Variants in KCTD8 observed in about 807,000 individuals in gnomAD.
KCTD8 encodes the protein potassium channel tetramerization domain containing 8.
Under a neutral mutation model 31.5 loss-of-function variants are expected in KCTD8, and 27 were observed. The ratio of observed to expected loss-of-function variants is 0.86; its 90% CI spans 0.63 to 1.18. The LOEUF is 1.18. Among genes scored for constraint, KCTD8 ranks in the 50% most tolerant of loss-of-function variants. The pLI, the probability that KCTD8 is intolerant of heterozygous loss-of-function variation, is 0.00. For synonymous variants in KCTD8, 290 were observed against 280.0 expected (o/e 1.04, Z -0.36); for missense variants, 658 against 647.7 (o/e 1.02, Z -0.17).
Position 44,174,533 on chromosome 4 carries a change from T to C in KCTD8, c.*257A>G, listed in dbSNP as rs1713139700. The C allele has an allele frequency of 2.9e-6, 1 of 350,774 alleles. No individual in the cohort carries two copies. The highest frequency in any genetic ancestry group is 2.1e-5 in the African/African-American group (1 of 47,388). 21.7% of individuals were successfully genotyped at this position (350,774 alleles called of 1,614,324 possible). On this transcript the variant is annotated 3_prime_UTR_variant, in exon 2 of 2. Coordinates refer to ENST00000360029, the MANE Select transcript of KCTD8 (RefSeq NM_198353.3). ...CTAAGCTTGATCATGCACATTTTAC[T>C]TTCATTCTTGTAAAATGGTTTGAAT...
At chr4:44,295,954 G>A (rs543028188) in intron 1 of KCTD8, among the ~76,000 whole-genome samples, 1 of 152,238 alleles carries the variant, frequency 6.6e-6, no homozygotes, top group Non-Finnish European at 1.5e-5. Flanking sequence ...AAACTTGTAA[G>A]ACCCAAGATA....
At chr4:44,243,756 G>A (rs1004998519) in intron 1 of KCTD8, among the ~76,000 whole-genome samples, 1 of 152,216 alleles carries the variant, frequency 6.6e-6, no homozygotes, top group Non-Finnish European at 1.5e-5. Flanking sequence ...CAGCTGCCTT[G>A]TCAGCAAAAT....
chr4:44,357,315 C>A (rs1719369293), intron 1 of KCTD8, among the ~76,000 whole-genome samples: 1 of 152,134 alleles, frequency 6.6e-6, no homozygotes, highest in Admixed American at 6.5e-5. Context: ...CCTTTTTCTC[C>A]TTTTCTCCCT....
intron 1 of KCTD8, among the ~76,000 whole-genome samples, chr4:44,292,310 A>G (rs1263443210): frequency 6.6e-6 from 1 of 152,178 alleles, no homozygotes; most frequent in African/African-American, 2.4e-5. Context: ...GAATAAAATC[A>G]TGCCCTTAGT....
intron 1 of KCTD8, among the ~76,000 whole-genome samples, chr4:44,335,469 A>T (rs1245299145): frequency 6.6e-6 from 1 of 152,130 alleles, no homozygotes; most frequent in Non-Finnish European, 1.5e-5. Flanking sequence ...AAAGTTGTAA[A>T]GAAACTTTAA....
At chr4:44,444,675 G>A (rs1721894493) in intron 1 of KCTD8, among the ~76,000 whole-genome samples, 1 of 151,684 alleles carries the variant, frequency 6.6e-6, no homozygotes, top group African/African-American at 2.4e-5. Context: ...CCAAGACAGA[G>A]AACAAGTAAA....
chr4:44,417,943 G>T (rs905988215), intron 1 of KCTD8, among the ~76,000 whole-genome samples: 2 of 152,168 alleles, frequency 1.3e-5, no homozygotes, highest in African/African-American at 4.8e-5. Flanking sequence ...AATAACTGCT[G>T]TGTTCCAGGC....
At chr4:44,373,933 T>C (rs1719854210) in intron 1 of KCTD8, among the ~76,000 whole-genome samples, 1 of 152,196 alleles carries the variant, frequency 6.6e-6, no homozygotes, top group African/African-American at 2.4e-5. Flanking sequence ...ACTCATCACA[T>C]TAAAAGATCG....
intron 1 of KCTD8, among the ~76,000 whole-genome samples, chr4:44,282,790 A>T (rs550781878): frequency 6.6e-6 from 1 of 152,098 alleles, no homozygotes; most frequent in Non-Finnish European, 1.5e-5. Flanking sequence ...CCAAAGTCTA[A>T]TCCACAGAAA....
chr4:44,232,169 A>C (rs2109352946), intron 1 of KCTD8, among the ~76,000 whole-genome samples: 1 of 152,310 alleles, frequency 6.6e-6, no homozygotes, highest in Admixed American at 6.5e-5. Context: ...CAGCATTTTC[A>C]GAAACAATAA....
At chr4:44,177,408 G>T (rs2090496869) in intron 1 of KCTD8, among the ~76,000 whole-genome samples, 1 of 151,956 alleles carries the variant, frequency 6.6e-6, no homozygotes, top group Non-Finnish European at 1.5e-5. Flanking sequence ...CCCTCTTGAG[G>T]CTCATAGTTT....
chr4:44,414,432 G>A (rs1334409359), intron 1 of KCTD8, among the ~76,000 whole-genome samples: 1 of 152,088 alleles, frequency 6.6e-6, no homozygotes, highest in Non-Finnish European at 1.5e-5. Context: ...GCAAAATAGG[G>A]AGGAAGTGCT....
chr4:44,213,000 T>C (rs77486129), intron 1 of KCTD8, among the ~76,000 whole-genome samples: 17,784 of 152,122 alleles, frequency 0.12, 1,380 homozygotes, highest in East Asian at 0.25. Context: ...TGCAGTGGCA[T>C]GATCTCAGCT....
At chr4:44,340,346 T>C (rs2109418182) in intron 1 of KCTD8, among the ~76,000 whole-genome samples, 1 of 152,030 alleles carries the variant, frequency 6.6e-6, no homozygotes, top group Middle Eastern at 3.4e-3. Flanking sequence ...TTGCCCAGGC[T>C]GGAATGCAGT....
intron 1 of KCTD8, among the ~76,000 whole-genome samples, chr4:44,247,749 A>G (rs1163961112): frequency 6.6e-6 from 1 of 151,870 alleles, no homozygotes; most frequent in East Asian, 1.9e-4. Context: ...TTCACTTAGA[A>G]TGAACTTGTC....
intron 1 of KCTD8, among the ~76,000 whole-genome samples, chr4:44,367,099 C>T (rs995533830): frequency 2.6e-5 from 4 of 152,120 alleles, no homozygotes; most frequent in Non-Finnish European, 4.4e-5. Flanking sequence ...CCTCCTGCTA[C>T]GGGCTCTTCA....
intron 1 of KCTD8, among the ~76,000 whole-genome samples, chr4:44,221,485 G>A (rs1188428917): frequency 2.0e-5 from 3 of 151,996 alleles, no homozygotes; most frequent in Non-Finnish European, 4.4e-5. Context: ...CTGACTCACA[G>A]AATCACAAGG....
chr4:44,198,697 C>T (rs1714024093), intron 1 of KCTD8, among the ~76,000 whole-genome samples: 1 of 152,076 alleles, frequency 6.6e-6, no homozygotes, highest in Admixed American at 6.6e-5. Context: ...CTTGCTACCA[C>T]AAAAACACAC....
chr4:44,417,200 G>A (rs1057482482), intron 1 of KCTD8, among the ~76,000 whole-genome samples: 14 of 152,108 alleles, frequency 9.2e-5, no homozygotes, highest in African/African-American at 1.4e-4. Flanking sequence ...CTGGCTTTTC[G>A]CCCTTACAGC....
Sources: allele counts gnomAD v4.1 joint callset (sites outside exome capture counted in the v4.1 genomes callset), GRCh38; gene constraint gnomAD v4.1.1; transcripts MANE v1.5; gene names NCBI Gene and HGNC (gene_info 2026-07-23, HGNC 2026-07-21).